Variants in TJP2 observed in about 807,000 individuals in gnomAD.
TJP2 encodes Friedreich ataxia region gene X104 (tight junction protein ZO-2).
Under a neutral mutation model 133.1 loss-of-function variants are expected in TJP2, and 91 were observed. The observed-to-expected ratio is 0.68, with a 90% CI of 0.58 to 0.81. The LOEUF (loss-of-function observed/expected upper bound fraction) is 0.81, where lower values mean the gene tolerates loss of function less well. Ranked by LOEUF, TJP2 falls within the 40% of genes least tolerant of loss-of-function variation. The pLI, the probability that TJP2 is intolerant of heterozygous loss-of-function variation, is 0.00. For missense variants in TJP2, 1,541 were observed against 1,565.6 expected (o/e 0.98, Z 0.26); for synonymous variants, 592 against 583.4 (o/e 1.01, Z -0.21).
At chr9:69,233,513 A>G (rs532341559) in intron 11 of TJP2, among the ~76,000 whole-genome samples, 6 of 152,288 alleles carry the variant, frequency 3.9e-5, no homozygotes, top group African/African-American at 1.2e-4. Context: ...TGGCTCACGC[A>G]TGTAATCCCA....
chr9:69,188,667 A>C (rs909325805), intron 1 of TJP2, among the ~76,000 whole-genome samples: 3 of 152,208 alleles, frequency 2.0e-5, no homozygotes, highest in Non-Finnish European at 2.9e-5. Flanking sequence ...TTACTGTATG[A>C]GACCCCAAAG....
chr9:69,169,923 C>T (rs1251068128), upstream of TJP2, among the ~76,000 whole-genome samples: 1 of 152,134 alleles, frequency 6.6e-6, no homozygotes, highest in Non-Finnish European at 1.5e-5. Context: ...CTTACTGCAG[C>T]CTCAAATTCC....
At chr9:69,227,447 T>G (rs1829437014) in intron 7 of TJP2, among the ~76,000 whole-genome samples, 1 of 152,230 alleles carries the variant, frequency 6.6e-6, no homozygotes, top group Admixed American at 6.5e-5. Flanking sequence ...TGAGAAGCAT[T>G]GGGCTGCTTG....
At chr9:69,230,813 A>T (rs1473187409) in intron 11 of TJP2, among the ~76,000 whole-genome samples, 1 of 152,268 alleles carries the variant, frequency 6.6e-6, no homozygotes, top group South Asian at 2.1e-4. Context: ...GTTCCCTGGC[A>T]CAGAATAGGA....
chr9:69,158,986 C>A (rs947686079), intron 2 of TJP2, among the ~76,000 whole-genome samples: 1 of 151,802 alleles, frequency 6.6e-6, no homozygotes, highest in Admixed American at 6.6e-5. Flanking sequence ...TTCACCGCCC[C>A]CCCCCCATCA....
intron 1 of TJP2, chr9:69,121,750 C>T (rs917849589): frequency 3.5e-4 from 53 of 152,410 alleles, no homozygotes; most frequent in African/African-American, 1.3e-3. Flanking sequence ...CTCTCTCCCT[C>T]CCCGGCCCAG....
chr9:69,236,339 A>AACTCATCATGTGG, intron 13 of TJP2, 101 bp downstream of exon 13: 1 of 1,149,028 alleles, frequency 8.7e-7, no homozygotes, highest in Non-Finnish European at 1.3e-6. Flanking sequence ...CCACATGATG[A>AACTCATCATGTGG]GTTCATTACT....
intron 1 of TJP2, among the ~76,000 whole-genome samples, chr9:69,208,172 T>C (rs1827583449): frequency 6.6e-6 from 1 of 152,272 alleles, no homozygotes; most frequent in Admixed American, 6.5e-5. Context: ...GTATTTTTAA[T>C]GTTCAACAGA....
rs1831584942 is a variant in TJP2 at position 69,254,756 on chromosome 9, GT to G, written c.*383del. On this transcript the variant is annotated 3_prime_UTR_variant, in exon 23 of 23. Transcript: ENST00000377245. ...GGACTGTTTCAGTGTGAGTCAGAAT[GT>G]GAAAAAGGAATAAAAAATACTGTTG... The G allele has an allele frequency of 2.0e-6, 1 of 497,668 alleles. No homozygotes were observed. The highest frequency in any genetic ancestry group is 3.6e-5 in the Admixed American group (1 of 27,718). The allele number at this position is 497,668 out of a possible 1,614,324, so 30.8% of individuals were successfully genotyped here.
chr9:69,224,637 C>T (rs1829190979), intron 5 of TJP2, among the ~76,000 whole-genome samples: 1 of 151,946 alleles, frequency 6.6e-6, no homozygotes, highest in Non-Finnish European at 1.5e-5. Flanking sequence ...AGATCATGCC[C>T]CTGCACTCCA....
chr9:69,193,144 G>C (rs1013182951), intron 1 of TJP2, among the ~76,000 whole-genome samples: 9 of 152,086 alleles, frequency 5.9e-5, no homozygotes, highest in Non-Finnish European at 1.2e-4. Flanking sequence ...TTGAACTCTT[G>C]AGCTCAGACG....
intron 1 of TJP2, among the ~76,000 whole-genome samples, chr9:69,181,438 C>T (rs989347450): frequency 1.3e-5 from 2 of 151,928 alleles, no homozygotes; most frequent in Non-Finnish European, 2.9e-5. Flanking sequence ...TTGGTAGAGA[C>T]GGGGCTTCAC....
intron 11 of TJP2, among the ~76,000 whole-genome samples, chr9:69,231,032 CT>C (rs1829736390): frequency 6.6e-6 from 1 of 152,048 alleles, no homozygotes; most frequent in African/African-American, 2.4e-5. Flanking sequence ...GTGTAGCATT[CT>C]TTGTTGACTT....
At chr9:69,253,938 G>A in intron 22 of TJP2, 1 of 500,356 alleles carries the variant, frequency 2.0e-6, no homozygotes, top group Non-Finnish European at 3.7e-6. Flanking sequence ...GGAGCTTAGG[G>A]GTAAGGAGGG....
intron 1 of TJP2, among the ~76,000 whole-genome samples, chr9:69,197,091 C>G (rs973916368): frequency 6.6e-6 from 1 of 151,986 alleles, no homozygotes; most frequent in African/African-American, 2.4e-5. Context: ...GCTTCACCCT[C>G]CCCAGCAGCT....
chr9:69,236,038 C>G lies in TJP2; in HGVS notation c.1791C>G (p.Asp597Glu). Residue 597 changes from aspartate (D) to glutamate (E), a missense_variant, in exon 13 of 23, where the codon GAC (aspartate) becomes GAG (glutamate). Transcript: ENST00000377245. Reference protein sequence around the residue: ...LAQSRADVYRDILACGRGDSF... With the variant: ...LAQSRADVYREILACGRGDSF... ...GCTTTTGTCTTTCAGTGTATAGAGACATCCTGGCTTGTGGCAGAGGGGATT... is the reference window on the plus strand; with the variant it reads ...GCTTTTGTCTTTCAGTGTATAGAGAGATCCTGGCTTGTGGCAGAGGGGATT... The G allele has an allele frequency of 1.2e-6, 2 of 1,614,148 alleles. No homozygotes were observed. Among genetic ancestry groups the G allele is most frequent in the Middle Eastern group, 3.3e-4 (2 of 6,062 alleles).
chr9:69,161,165 G>A (rs950564748), intron 2 of TJP2, among the ~76,000 whole-genome samples: 4 of 152,108 alleles, frequency 2.6e-5, no homozygotes, highest in South Asian at 2.1e-4. Flanking sequence ...GTGCTGTGTC[G>A]GAGGGATGCA....
At chr9:69,180,740 A>G (rs901724707) in intron 1 of TJP2, among the ~76,000 whole-genome samples, 22 of 152,234 alleles carry the variant, frequency 1.4e-4, no homozygotes, top group African/African-American at 4.8e-4. Flanking sequence ...TTTGAAAGGA[A>G]TGAATCATTT....
intron 1 of TJP2, among the ~76,000 whole-genome samples, chr9:69,198,179 TCACC>T: frequency 6.9e-6 from 1 of 145,640 alleles, no homozygotes. Flanking sequence ...TTTCACTCTG[TCACC>T]CAGGCTGGAG....
Sources: allele counts gnomAD v4.1 joint callset (sites outside exome capture counted in the v4.1 genomes callset), GRCh38; gene constraint gnomAD v4.1.1; transcripts MANE v1.5; gene names NCBI Gene and HGNC (gene_info 2026-07-23, HGNC 2026-07-21).